The following BBIP1 variants were observed in gnomAD, a reference collection of about 807,000 sequenced individuals.
The protein encoded by BBIP1 is BBSome interacting protein 1, also known as BBSome-interacting protein 1.
BBIP1 carries 6 observed loss-of-function variants against 8.9 expected under a neutral mutation model. That is an observed-to-expected ratio of 0.67 (90% confidence interval 0.37 to 1.33). The LOEUF is 1.33. BBIP1 is among the 40% of genes most tolerant of loss of function. BBIP1 has a pLI of 0.02. For synonymous variants in BBIP1, 32 were observed against 33.4 expected (o/e 0.96, Z 0.14); for missense variants, 111 against 109.2 (o/e 1.02, Z -0.07).
Position 110,901,600 on chromosome 10 carries a change from A to G in BBIP1, c.50T>C (p.Ile17Thr), listed in dbSNP as rs879329788. The G allele has an allele frequency of 1.3e-6, 2 of 1,535,174 alleles. No individual in the cohort carries two copies. Among genetic ancestry groups the G allele is most frequent in the African/African-American group, 1.4e-5 (1 of 73,156 alleles). ...KRPELSGKNT[I>T]SNNSDMAEVK... ...TTCTGCCATATCTGAGTTGTTGGATATAGTGTTTTTTCCTTCAATGAGAAA... is the reference window on the plus strand; with the variant it reads ...TTCTGCCATATCTGAGTTGTTGGATGTAGTGTTTTTTCCTTCAATGAGAAA... Residue 17 changes from isoleucine to threonine, a missense_variant, in exon 3 of 4, where the codon ATA (isoleucine) becomes ACA (threonine). Physicochemically the swap from Ile to Thr is moderately conservative, Grantham distance 89. Transcript: ENST00000448814.
chr10:110,908,020 T>C (rs1421281837), intron 2 of BBIP1: 2 of 420,430 alleles, frequency 4.8e-6, no homozygotes, highest in Non-Finnish European at 8.4e-6. Flanking sequence ...ACACACTTTG[T>C]ATTCCTAGGG....
chr10:110,917,903 C>G lies in BBIP1; in HGVS notation c.37+218G>C, dbSNP rs1846461009. ...TAAACTCAGAGGAAATTACTTCCTGCTGGGAAGAATCTGGAAACACATCTC... is the reference window on the plus strand; with the variant it reads ...TAAACTCAGAGGAAATTACTTCCTGGTGGGAAGAATCTGGAAACACATCTC... On this transcript the variant is annotated intron_variant, in intron 2 of 3. Transcript: ENST00000448814. The G allele has an allele frequency of 6.9e-6, 4 of 578,772 alleles. No homozygotes were observed. In the East Asian group the frequency reaches 1.1e-4, roughly 17 times the overall value. 35.9% of individuals were successfully genotyped at this position (578,772 alleles called of 1,614,324 possible). A position where few individuals can be genotyped will look rare whatever the true frequency, so the allele number is the denominator to read the frequency against.
At chr10:110,904,072 G>A (rs764077437) in intron 2 of BBIP1, 5 of 152,198 alleles carry the variant, frequency 3.3e-5, no homozygotes, top group Non-Finnish European at 7.3e-5. Flanking sequence ...CCAGACATGG[G>A]TGATTTGCTT....
chr10:110,917,489 A>C (rs1030379123), intron 2 of BBIP1, among the ~76,000 whole-genome samples: 6 of 152,226 alleles, frequency 3.9e-5, no homozygotes, highest in African/African-American at 1.4e-4. Context: ...TGATGGGTAC[A>C]TGAATATTCA....
intron 2 of BBIP1, among the ~76,000 whole-genome samples, chr10:110,916,370 T>G (rs139122606): frequency 9.5e-4 from 144 of 152,314 alleles, no homozygotes; most frequent in African/African-American, 3.3e-3. Context: ...TTGGCAGTCT[T>G]GAGTTTTCCC....
In BBIP1 at chr10:110,901,522, T is replaced by G; in HGVS notation, c.112+16A>C. The G allele has an allele frequency of 6.6e-7, 1 of 1,513,880 alleles. No individual in the cohort carries two copies. Among genetic ancestry groups the G allele is most frequent in the Non-Finnish European group, 8.9e-7 (1 of 1,126,698 alleles). The allele number at this position is 1,513,880 out of a possible 1,614,324, so 93.8% of individuals were successfully genotyped here. A position where few individuals can be genotyped will look rare whatever the true frequency, so the allele number is the denominator to read the frequency against. ...CCTGTAATAATCAATGACCTCAATA[T>G]TTGTGATGTACATACCTTGCTTTGG... On this transcript the variant is annotated intron_variant, in intron 3 of 3. Coordinates refer to ENST00000448814, the MANE Select transcript of BBIP1 (RefSeq NM_001195305.3).
chr10:110,909,950 G>C (rs898566146), intron 2 of BBIP1, among the ~76,000 whole-genome samples: 2 of 152,226 alleles, frequency 1.3e-5, no homozygotes, highest in Admixed American at 1.3e-4. Context: ...GAGAGAGACA[G>C]AGTAGGTAAA....
intron 2 of BBIP1, among the ~76,000 whole-genome samples, chr10:110,912,395 C>T (rs1846300802): frequency 6.6e-6 from 1 of 152,106 alleles, no homozygotes; most frequent in Non-Finnish European, 1.5e-5. Flanking sequence ...TTATTTTCAT[C>T]ATATCACAAA....
chr10:110,917,024 G>T (rs940077027), intron 2 of BBIP1, among the ~76,000 whole-genome samples: 1 of 152,072 alleles, frequency 6.6e-6, no homozygotes, highest in Non-Finnish European at 1.5e-5. Flanking sequence ...CAAAAAAAAT[G>T]TTCAGCTTAA....
At chr10:110,918,568 C>T (rs898140267) in intron 1 of BBIP1, among the ~76,000 whole-genome samples, 13 of 152,392 alleles carry the variant, frequency 8.5e-5, no homozygotes, top group African/African-American at 2.9e-4. Flanking sequence ...TGGTCAAGAG[C>T]TCCGTTTTGC....
intron 2 of BBIP1, among the ~76,000 whole-genome samples, chr10:110,916,271 A>G (rs150800773): frequency 3.2e-4 from 49 of 152,264 alleles, no homozygotes; most frequent in Non-Finnish European, 5.6e-4. Context: ...CTCCCAGAGC[A>G]TTTTCTTCTG....
intron 1 of BBIP1, among the ~76,000 whole-genome samples, chr10:110,918,502 T>A (rs1846495397): frequency 6.6e-6 from 1 of 152,150 alleles, no homozygotes; most frequent in Non-Finnish European, 1.5e-5. Context: ...GTTCCCGAAT[T>A]CTCCTCCCTC....
intron 2 of BBIP1, chr10:110,910,981 A>C (rs533967541): frequency 1.3e-5 from 2 of 152,362 alleles, no homozygotes; most frequent in South Asian, 2.1e-4. Flanking sequence ...TGGTTGAAAG[A>C]AGCAGCTGAA....
chr10:110,917,784 T>C (rs1737850583), intron 2 of BBIP1, among the ~76,000 whole-genome samples: 1 of 152,072 alleles, frequency 6.6e-6, no homozygotes, highest in South Asian at 2.1e-4. Flanking sequence ...CAAACCATTC[T>C]ATTTAGGTGC....
Position 110,901,603 on chromosome 10 carries a change from G to A in BBIP1, c.47C>T (p.Thr16Ile). ...AKRPELSGKN[T>I]ISNNSDMAEV... ...TGCCATATCTGAGTTGTTGGATATA[G>A]TGTTTTTTCCTTCAATGAGAAATCA... The change falls in exon 3 of 4, where the codon ACT becomes ATT. Residue 16 changes from threonine (T) to isoleucine (I), a missense_variant. Physicochemically the swap from Thr to Ile is moderately conservative, Grantham distance 89. Transcript: ENST00000448814. 6.5e-7 allele frequency: 1 copy of A among 1,534,830 alleles called. No homozygotes were observed. Among genetic ancestry groups the A allele is most frequent in the Non-Finnish European group, 8.7e-7 (1 of 1,145,778 alleles).
chr10:110,915,807 G>T (rs1289168618), intron 2 of BBIP1, among the ~76,000 whole-genome samples: 1 of 152,142 alleles, frequency 6.6e-6, no homozygotes, highest in Non-Finnish European at 1.5e-5. Context: ...AGGCTCAAGT[G>T]ATTCTGGTGC....
intron 2 of BBIP1, among the ~76,000 whole-genome samples, chr10:110,909,349 C>G (rs1029783955): frequency 4.6e-5 from 7 of 152,128 alleles, no homozygotes; most frequent in Non-Finnish European, 1.0e-4. Flanking sequence ...CATGTGCCAC[C>G]ACACCCAGCT....
chr10:110,900,301 T>C lies in BBIP1; in HGVS notation c.*59A>G, dbSNP rs1394188964. 8.4e-6 allele frequency: 12 copies of C among 1,422,972 alleles called. No homozygotes were observed. The highest frequency in any genetic ancestry group is 1.0e-5 in the Non-Finnish European group (11 of 1,069,740). The allele number at this position is 1,422,972 out of a possible 1,614,324, so 88.1% of individuals were successfully genotyped here. ...ACTTTCAGCACACAGAAGCATATTT[T>C]CTAGTTATTGTTAAATAGTAGATAA... On this transcript the variant is annotated 3_prime_UTR_variant, in exon 4 of 4. Coordinates refer to ENST00000448814, the MANE Select transcript of BBIP1 (RefSeq NM_001195305.3).
chr10:110,901,790 A>T, intron 2 of BBIP1, 178 bp from the exon 3 acceptor site: 1 of 583,530 alleles, frequency 1.7e-6, no homozygotes, highest in Non-Finnish European at 3.1e-6. Context: ...AAGCATTTAG[A>T]TCTTGTCAAC....
Sources: allele counts gnomAD v4.1 joint callset (sites outside exome capture counted in the v4.1 genomes callset), GRCh38; gene constraint gnomAD v4.1.1; transcripts MANE v1.5; gene names NCBI Gene and HGNC (gene_info 2026-07-23, HGNC 2026-07-21).